Variants in IL17RB observed in about 807,000 individuals in gnomAD.
IL17RB encodes interleukin-17 receptor B.
A neutral mutation model predicts 43.9 loss-of-function variants in IL17RB; 36 were observed. The ratio of observed to expected loss-of-function variants is 0.82; its 90% CI spans 0.63 to 1.08. IL17RB has a LOEUF of 1.08. Ranked by LOEUF, IL17RB falls within the 50% of genes least tolerant of loss-of-function variation. The pLI, the probability that IL17RB is intolerant of heterozygous loss-of-function variation, is 0.00. For synonymous variants in IL17RB, 225 were observed against 225.4 expected (o/e 1.00, Z 0.02); for missense variants, 613 against 613.6 (o/e 1.00, Z 0.01).
chr3:53,851,023 C>A (rs1258335301), intron 3 of IL17RB, among the ~76,000 whole-genome samples: 1 of 152,178 alleles, frequency 6.6e-6, no homozygotes, highest in African/African-American at 2.4e-5. Context: ...ATTTTCCCCA[C>A]CCCACTTCAG....
Position 53,854,183 on chromosome 3 carries a change from C to T in IL17RB, c.482-1111C>T, listed in dbSNP as rs573905254. On this transcript the variant is annotated intron_variant, in intron 5 of 10. Transcript: ENST00000288167. Reference sequence around the variant, plus strand: ...AAGTGCTGGGATTACAGGAGTGAGCCACCGTACCCAGCCTTATTTTGGAAT... The same window carrying T: ...AAGTGCTGGGATTACAGGAGTGAGCTACCGTACCCAGCCTTATTTTGGAAT... Among the ~76,000 whole-genome samples the T allele has an allele frequency of 3.3e-5, 5 of 152,302 alleles. No individual in the cohort carries two copies. The South Asian group carries it at 1.0e-3, about 32-fold the overall frequency.
intron 3 of IL17RB, among the ~76,000 whole-genome samples, chr3:53,850,404 C>T (rs751264420): frequency 4.5e-4 from 66 of 147,592 alleles, no homozygotes; most frequent in African/African-American, 8.5e-4. Context: ...GGCTGAGGCA[C>T]GAGAATCGCT....
chr3:53,856,178 A>G (rs1699326824), intron 6 of IL17RB, among the ~76,000 whole-genome samples: 1 of 152,208 alleles, frequency 6.6e-6, no homozygotes, highest in Admixed American at 6.5e-5. Flanking sequence ...GAACTCCTAA[A>G]GACAGTTCTG....
Position 53,852,099 on chromosome 3 carries a change from G to C in IL17RB, c.327G>C (p.Gln109His). Residue 109 changes from glutamine (Q) to histidine (H), a missense_variant, in exon 4 of 11, where the codon CAG becomes CAC. Gln to His is a conservative substitution (Grantham distance 24, BLOSUM62 0). Coordinates refer to ENST00000288167, the MANE Select transcript of IL17RB (RefSeq NM_018725.4). ...CVRCNYTEAF[Q>H]TQTRPSGGKW... ...GGTGCAATTACACAGAGGCCTTCCA[G>C]ACTCAGACCAGACCCTCTGGTGGTA... The C allele has an allele frequency of 6.2e-7, 1 of 1,614,148 alleles. No homozygotes were observed. Among genetic ancestry groups the C allele is most frequent in the Non-Finnish European group, 8.5e-7 (1 of 1,180,032 alleles).
rs1699165859 is a variant in IL17RB, at chr3:53,851,979, C to T, written c.227-20C>T. On this transcript the variant is annotated intron_variant, in intron 3 of 10. Coordinates refer to ENST00000288167, the MANE Select transcript of IL17RB (RefSeq NM_018725.4). ...CAGCAAGTGCTAAATAAACCAATGT[C>T]CTCTTGCCTATCTCGGCAGCCAGCA... The T allele has an allele frequency of 1.2e-6, 2 of 1,613,832 alleles. No homozygotes were observed. Among genetic ancestry groups the T allele is most frequent in the African/African-American group, 2.7e-5 (2 of 74,906 alleles).
In IL17RB at chr3:53,852,926, G is replaced by A; in HGVS notation, c.410G>A (p.Gly137Glu). 6.2e-7 allele frequency: 1 copy of A among 1,613,456 alleles called. No individual in the cohort carries two copies. The highest frequency in any genetic ancestry group is 1.3e-5 in the African/African-American group (1 of 74,996). Residue 137 changes from glycine (G) to glutamate (E), a missense_variant, in exon 5 of 11, where the codon GGG becomes GAG. By Grantham distance (98) the Gly-to-Glu change is moderately conservative (BLOSUM62 -2). Coordinates refer to ENST00000288167, the MANE Select transcript of IL17RB (RefSeq NM_018725.4). ...GAGCTGAACACAGTCTATTTCATTG[G>A]GGCCCATAATATTCCTAATGCAAAT... ...PVELNTVYFI[G>E]AHNIPNANMN...
At chr3:53,849,248 A>G (rs1182556395) in intron 2 of IL17RB, among the ~76,000 whole-genome samples, 1 of 152,220 alleles carries the variant, frequency 6.6e-6, no homozygotes, top group Non-Finnish European at 1.5e-5. Flanking sequence ...ACATGTGTAC[A>G]TACACAGGTA....
At chr3:53,846,824 G>A (rs1172008579) in intron 1 of IL17RB, among the ~76,000 whole-genome samples, 176 bp downstream of exon 1, 1 of 152,234 alleles carries the variant, frequency 6.6e-6, no homozygotes, top group African/African-American at 2.4e-5. Flanking sequence ...TTGAGTCAGG[G>A]GCGTGGGAAT....
At chr3:53,863,746 G>C (rs1433631938) in intron 10 of IL17RB, among the ~76,000 whole-genome samples, 1 of 151,918 alleles carries the variant, frequency 6.6e-6, no homozygotes, top group Non-Finnish European at 1.5e-5. Context: ...CTCAAAATGT[G>C]AAGTGCAGAG....
chr3:53,852,927 G>A lies in IL17RB; in HGVS notation c.411G>A (p.Gly137=), dbSNP rs1452225583. Residue 137 remains glycine, a synonymous_variant, in exon 5 of 11, where the codon GGG becomes GGA. Coordinates refer to ENST00000288167, the MANE Select transcript of IL17RB (RefSeq NM_018725.4). ...PVELNTVYFI[G]AHNIPNANMN... is the part of the protein sequence containing the mutation. ...AGCTGAACACAGTCTATTTCATTGG[G>A]GCCCATAATATTCCTAATGCAAATA... 6.2e-7 allele frequency: 1 copy of A among 1,613,270 alleles called. No individual in the cohort carries two copies. Among genetic ancestry groups the A allele is most frequent in the Admixed American group, 1.7e-5 (1 of 59,994 alleles).
intron 3 of IL17RB, among the ~76,000 whole-genome samples, chr3:53,850,318 A>G (rs1281056780): frequency 5.6e-5 from 8 of 142,526 alleles, no homozygotes; most frequent in East Asian, 2.1e-4. Context: ...CCAACATGGC[A>G]AAACCCCATC....
At position 53,849,739 on chromosome 3, in the gene IL17RB, T is replaced by A; in HGVS notation, c.170T>A (p.Val57Asp). 1.2e-6 allele frequency: 2 copies of A among 1,613,084 alleles called. No individual in the cohort carries two copies. The highest frequency in any genetic ancestry group is 1.7e-6 in the Non-Finnish European group (2 of 1,179,478). The change falls in exon 3 of 11, where the codon GTT (valine) becomes GAT (aspartate). Residue 57 changes from valine to aspartate, a missense_variant. Coordinates refer to ENST00000288167, the MANE Select transcript of IL17RB (RefSeq NM_018725.4). ...DLRVEPVTTS[V>D]ATGDYSILMN... Reference sequence around the variant, plus strand: ...CGAGTAGAACCTGTTACAACTAGTGTTGCAACAGGGGACTATTCAATTTTG... The same window carrying A: ...CGAGTAGAACCTGTTACAACTAGTGATGCAACAGGGGACTATTCAATTTTG...
intron 3 of IL17RB, 70 bp from the exon 4 acceptor site, chr3:53,851,929 A>C (rs1020693690): frequency 1.3e-6 from 2 of 1,494,402 alleles, no homozygotes; most frequent in Non-Finnish European, 1.9e-6. Flanking sequence ...ATGCTAGTAA[A>C]GCATCTAGCA....
intron 1 of IL17RB, 25 bp downstream of exon 1, chr3:53,846,673 C>A: frequency 6.3e-7 from 1 of 1,575,510 alleles, no homozygotes; most frequent in South Asian, 1.2e-5. Context: ...GCACCTCTTC[C>A]CTCATCTCCC....
intron 10 of IL17RB, among the ~76,000 whole-genome samples, chr3:53,863,505 G>T (rs148908020): frequency 5.3e-5 from 8 of 152,328 alleles, no homozygotes; most frequent in African/African-American, 1.9e-4. Context: ...TCTAAGCTAA[G>T]AAAGCCACAG....
chr3:53,846,793 C>A (rs912375203), intron 1 of IL17RB, 145 bp downstream of exon 1: 1 of 802,764 alleles, frequency 1.2e-6, no homozygotes, highest in African/African-American at 1.8e-5. Context: ...AGGGCAGCCC[C>A]GGACATCGGC....
intron 10 of IL17RB, among the ~76,000 whole-genome samples, chr3:53,864,296 G>T (rs191159180): frequency 6.6e-6 from 1 of 152,276 alleles, no homozygotes; most frequent in East Asian, 1.9e-4. Flanking sequence ...CAGCACTCTG[G>T]GAGGCCCAGG....
chr3:53,855,340 C>T lies in IL17RB; in HGVS notation c.528C>T (p.Ala176=), dbSNP rs762466928. Residue 176 remains alanine, a splice_region_variant and synonymous_variant, in exon 6 of 11, where the codon GCC becomes GCT. Coordinates refer to ENST00000288167, the MANE Select transcript of IL17RB (RefSeq NM_018725.4). ...IMKYKKKCVK[A]GSLWDPNITA... ...AATATAAAAAAAAGTGTGTCAAGGC[C>T]GGTAAGTAAATACGGCATTTGCTTT... 9 of 1,599,222 alleles carry T rather than the reference C, an allele frequency of 5.6e-6. No individual in the cohort carries two copies. The highest frequency in any genetic ancestry group is 1.1e-5 in the South Asian group (1 of 90,340).
chr3:53,856,990 CT>C lies in IL17RB; in HGVS notation c.672+9del, dbSNP rs775091962. ...CGGGTTTTCTCAGGTGTTTGAGGTA[CT>C]TTTTCTCTTCGTCCCCTTCACCTCG... On this transcript the variant is annotated splice_donor_5th_base_variant and intron_variant, in intron 7 of 10. Transcript: ENST00000288167. 2.5e-6 allele frequency: 4 copies of C among 1,613,706 alleles called. No individual in the cohort carries two copies. The highest frequency in any genetic ancestry group is 2.5e-6 in the Non-Finnish European group (3 of 1,179,986).
Sources: gnomAD v4.1 joint callset for allele counts (sites outside exome capture counted in the v4.1 genomes callset) on GRCh38, gnomAD v4.1.1 for gene constraint, MANE v1.5 for transcripts, NCBI Gene and HGNC (gene_info 2026-07-23, HGNC 2026-07-21) for gene names.